Variants in NOBOX observed in about 807,000 individuals in gnomAD.
NOBOX encodes homeobox protein NOBOX.
Under a neutral mutation model 60.2 loss-of-function variants are expected in NOBOX, and 46 were observed. The ratio of observed to expected loss-of-function variants is 0.76; its 90% CI spans 0.60 to 0.98. The LOEUF is 0.98. NOBOX is among the 50% of genes least tolerant of loss of function. The pLI is 0.00. For synonymous variants in NOBOX, 360 were observed against 346.3 expected (o/e 1.04, Z -0.44); for missense variants, 880 against 865.5 (o/e 1.02, Z -0.21).
In NOBOX at chr7:144,401,367, G is replaced by A. The variant is rs573084275; in HGVS notation, c.523C>T (p.Arg175Cys). ...TCCCCCTGAGTCTGGGGCCTGGAGC[G>A]GGCTAGAGTTCTGTCTTTGTGGGGA... The change falls in exon 4 of 10, where the codon CGC becomes TGC. Residue 175 changes from arginine to cysteine, a missense_variant. Transcript: ENST00000467773. The surrounding 1 kb of genome is among the most constrained non-coding windows in gnomAD (Gnocchi z 4.2). 41 of 1,613,792 alleles carry A rather than the reference G, an allele frequency of 2.5e-5. No individual in the cohort carries two copies. Among genetic ancestry groups the A allele is most frequent in the Admixed American group, 1.2e-4 (7 of 60,006 alleles).
rs771058407 is a variant in NOBOX, at chr7:144,401,189, G to T, written c.701C>A (p.Pro234His). ...GCAGGGCCCCCGGCCTGACCCACAG[G>T]GCACTGGGTTGTGTGTGGCACGGGC... The change falls in exon 4 of 10, where the codon CCC becomes CAC. Residue 234 changes from proline (P) to histidine (H), a missense_variant. By Grantham distance (77) the Pro-to-His change is moderately conservative (BLOSUM62 -2). Transcript: ENST00000467773. This position sits in a 1 kb window ranked among gnomAD's most constrained non-coding sequence, Gnocchi z 4.2. 3.1e-6 allele frequency: 5 copies of T among 1,613,660 alleles called. No individual in the cohort carries two copies. The South Asian group carries it at 5.5e-5, about 18-fold the overall frequency.
chr7:144,406,010 G>C (rs551752676), intron 1 of NOBOX, among the ~76,000 whole-genome samples: 1 of 152,196 alleles, frequency 6.6e-6, no homozygotes, highest in Admixed American at 6.5e-5. Context: ...TGAGGTGTCT[G>C]CTGCAGTGAG....
chr7:144,401,596 G>A lies in NOBOX; in HGVS notation c.294C>T (p.Gly98=). The A allele has an allele frequency of 3.3e-6, 5 of 1,503,504 alleles. No individual in the cohort carries two copies. In the South Asian group the frequency reaches 5.5e-5, roughly 17 times the overall value. The allele number at this position is 1,503,504 out of a possible 1,614,324, so 93.1% of individuals were successfully genotyped here. A position where few individuals can be genotyped will look rare whatever the true frequency, so the allele number is the denominator to read the frequency against. ...CCAGGGGCTTCTCTCCAGCTTTCTG[G>A]CCTGTGGGGAGCCAACATCCACTGA... is the stretch of plus-strand genomic sequence containing the variant. The change falls in exon 4 of 10, where the codon GGC becomes GGT. Residue 98 remains glycine (G), a splice_region_variant and synonymous_variant. Transcript: ENST00000467773. This position sits in a 1 kb window ranked among gnomAD's most constrained non-coding sequence, Gnocchi z 4.2.
intron 2 of NOBOX, 144 bp downstream of exon 1, chr7:144,403,513 C>CCCCCT: frequency 1.9e-5 from 6 of 309,450 alleles, no homozygotes; most frequent in South Asian, 5.4e-5. Flanking sequence ...GGCCTCCTCC[C>CCCCCT]ACCCTACCCC....
chr7:144,398,433 G>A lies in NOBOX; in HGVS notation c.1623C>T (p.Phe541=). 3.3e-6 allele frequency: 5 copies of A among 1,537,330 alleles called. No individual in the cohort carries two copies. Among genetic ancestry groups the A allele is most frequent in the Non-Finnish European group, 4.4e-6 (5 of 1,146,932 alleles). The change falls in exon 9 of 10, where the codon TTC becomes TTT. Residue 541 remains phenylalanine, a synonymous_variant. Coordinates refer to ENST00000467773, the MANE Select transcript of NOBOX (RefSeq NM_001080413.3). ...TCAGTGAACTGGGCATGGAGAAGGGGAAAGTGGGGAGGTAGGGCAACTTGG... is the reference window on the plus strand; with the variant it reads ...TCAGTGAACTGGGCATGGAGAAGGGAAAAGTGGGGAGGTAGGGCAACTTGG...
chr7:144,398,541 G>T lies in NOBOX; in HGVS notation c.1515C>A (p.Pro505=). ...GCTGGTTGCTCTGTTGGTAATCCTGGGGCTCCAGCTCCTCCAAATATGAAC... is the reference window on the plus strand; with the variant it reads ...GCTGGTTGCTCTGTTGGTAATCCTGTGGCTCCAGCTCCTCCAAATATGAAC... The change falls in exon 9 of 10, where the codon CCC becomes CCA. Residue 505 remains proline (P), a synonymous_variant. Coordinates refer to ENST00000467773, the MANE Select transcript of NOBOX (RefSeq NM_001080413.3). 4 of 1,536,488 alleles carry T rather than the reference G, an allele frequency of 2.6e-6. No homozygotes were observed. The highest frequency in any genetic ancestry group is 3.5e-6 in the Non-Finnish European group (4 of 1,146,796).
chr7:144,405,754 GA>G (rs2053981056), intron 1 of NOBOX, among the ~76,000 whole-genome samples: 1 of 152,154 alleles, frequency 6.6e-6, no homozygotes, highest in Non-Finnish European at 1.5e-5. Context: ...CCCTGGATCA[GA>G]ATTTCTTAGG....
intron 1 of NOBOX, among the ~76,000 whole-genome samples, chr7:144,405,870 G>A (rs773478325): frequency 1.4e-4 from 22 of 152,188 alleles, no homozygotes; most frequent in Admixed American, 4.6e-4. Context: ...ATTTTTGTGC[G>A]TTTCAGAGTT....
intron 6 of NOBOX, 63 bp downstream of exon 4, chr7:144,399,694 G>A: frequency 7.2e-7 from 1 of 1,384,246 alleles, no homozygotes; most frequent in Non-Finnish European, 1.0e-6. Context: ...TAGACCCTCA[G>A]GATCCCAGCT....
chr7:144,401,188 G>A lies in NOBOX; in HGVS notation c.702C>T (p.Pro234=). The A allele has an allele frequency of 6.2e-7, 1 of 1,613,572 alleles. No homozygotes were observed. Among genetic ancestry groups the A allele is most frequent in the East Asian group, 2.2e-5 (1 of 44,858 alleles). ...GGCAGGGCCCCCGGCCTGACCCACA[G>A]GGCACTGGGTTGTGTGTGGCACGGG... is the stretch of plus-strand genomic sequence containing the variant. Residue 234 remains proline (P), a synonymous_variant, in exon 4 of 10, where the codon CCC becomes CCT. Transcript: ENST00000467773. This position sits in a 1 kb window ranked among gnomAD's most constrained non-coding sequence, Gnocchi z 4.2.
chr7:144,403,894 G>A (rs2053963643), intron 2 of NOBOX, among the ~76,000 whole-genome samples: 1 of 151,900 alleles, frequency 6.6e-6, no homozygotes, highest in Non-Finnish European at 1.5e-5. Flanking sequence ...CTGCGAGGGC[G>A]GGGAGGACCC....
chr7:144,403,461 G>T (rs962190268), intron 2 of NOBOX, among the ~76,000 whole-genome samples, 196 bp downstream of exon 1: 3 of 151,908 alleles, frequency 2.0e-5, no homozygotes, highest in Admixed American at 2.0e-4. Context: ...GGGGGAGCGG[G>T]GAGGGGGGTT....
chr7:144,399,547 G>T, intron 6 of NOBOX, 65 bp from the exon 5 acceptor site: 1 of 1,357,752 alleles, frequency 7.4e-7, no homozygotes, highest in Non-Finnish European at 1.0e-6. Context: ...GTGCCTCATT[G>T]CCAGGAGAGA....
chr7:144,401,065 T>C lies in NOBOX; in HGVS notation c.825A>G (p.Thr275=). The C allele has an allele frequency of 6.5e-7, 1 of 1,527,754 alleles. No homozygotes were observed. The highest frequency in any genetic ancestry group is 8.8e-7 in the Non-Finnish European group (1 of 1,140,424). 94.6% of individuals were successfully genotyped at this position (1,527,754 alleles called of 1,614,324 possible). A position where few individuals can be genotyped will look rare whatever the true frequency, so the allele number is the denominator to read the frequency against. ...ACTTACCTGAGCGGTATAGGGTTCG[T>C]GTCTTTTTCCTAATTTGGCAGGTCA... The change falls in exon 4 of 10, where the codon ACA becomes ACG. Residue 275 remains threonine, a synonymous_variant. Coordinates refer to ENST00000467773, the MANE Select transcript of NOBOX (RefSeq NM_001080413.3). This position sits in a 1 kb window ranked among gnomAD's most constrained non-coding sequence, Gnocchi z 4.2.
In NOBOX at chr7:144,401,897, C is replaced by T. The variant is rs1176663365; in HGVS notation, c.264G>A (p.Leu88=). The change falls in exon 3 of 10, where the codon CTG becomes CTA. Residue 88 remains leucine, a synonymous_variant. Transcript: ENST00000467773. This position sits in a 1 kb window ranked among gnomAD's most constrained non-coding sequence, Gnocchi z 4.2. Reference sequence around the variant, plus strand: ...TTGTGAGTTCCCTTTTCCCAGACACCAGGGGTATGAGTTTGAGGGACTGTT... The same window carrying T: ...TTGTGAGTTCCCTTTTCCCAGACACTAGGGGTATGAGTTTGAGGGACTGTT... 1.2e-6 allele frequency: 2 copies of T among 1,612,496 alleles called. No individual in the cohort carries two copies. The highest frequency in any genetic ancestry group is 1.7e-5 in the Admixed American group (1 of 60,000).
chr7:144,400,013 TCTCTGCAGTGC>T, intron 5 of NOBOX, 150 bp from the exon 4 acceptor site: 1 of 1,397,272 alleles, frequency 7.2e-7, no homozygotes. Flanking sequence ...TTATCAAAAG[TCTCTGCAGTGC>T]CTTCCTCTCC....
chr7:144,410,140 C>A lies in NOBOX; in HGVS notation c.85+3G>T. 1 of 1,553,990 alleles carries A rather than the reference C, an allele frequency of 6.4e-7. No homozygotes were observed. Among genetic ancestry groups the A allele is most frequent in the South Asian group, 1.2e-5 (1 of 84,298 alleles). ...TGCTGTTGCTTCCAGGACATGAGCT[C>A]ACCCTCCTGGGCTTTGAAGCCATCC... On this transcript the variant is annotated splice_donor_region_variant and intron_variant, in intron 1 of 9. Coordinates refer to ENST00000467773, the MANE Select transcript of NOBOX (RefSeq NM_001080413.3).
At position 144,401,458 on chromosome 7, in the gene NOBOX, T is replaced by C. The variant is rs1325404076; in HGVS notation, c.432A>G (p.Pro144=). The C allele has an allele frequency of 6.3e-7, 1 of 1,587,870 alleles. No individual in the cohort carries two copies. The highest frequency in any genetic ancestry group is 8.6e-7 in the Non-Finnish European group (1 of 1,168,012). ...CCCCGGTGGCTTCTCCAGAGACTGC[T>C]GGCGGCTTCTTCTCTCCTGAGATGG... Residue 144 remains proline, a synonymous_variant, in exon 4 of 10, where the codon CCA becomes CCG. Transcript: ENST00000467773. The surrounding 1 kb of genome is among the most constrained non-coding windows in gnomAD (Gnocchi z 4.2).
intron 2 of NOBOX, among the ~76,000 whole-genome samples, chr7:144,404,174 C>A (rs901210344): frequency 1.1e-4 from 16 of 152,222 alleles, no homozygotes; most frequent in Non-Finnish European, 1.9e-4. Context: ...AGGGGAAGCG[C>A]TGGGTTGCCC....
Sources: gnomAD v4.1 joint callset for allele counts (sites outside exome capture counted in the v4.1 genomes callset) on GRCh38, gnomAD v4.1.1 for gene constraint, Gnocchi (gnomAD v3.1) non-coding constraint, MANE v1.5 for transcripts, NCBI Gene and HGNC (gene_info 2026-07-23, HGNC 2026-07-21) for gene names.